Variants in SLC28A1 observed in about 807,000 individuals in gnomAD.
SLC28A1 encodes sodium/nucleoside cotransporter 1.
Under a neutral mutation model 74.8 loss-of-function variants are expected in SLC28A1, and 64 were observed. The observed-to-expected ratio is 0.86, with a 90% confidence interval of 0.70 to 1.05. The LOEUF is 1.05. Among genes scored for constraint, SLC28A1 ranks in the 50% least tolerant of loss-of-function variants. The pLI is 0.00. For synonymous variants in SLC28A1, 359 were observed against 335.0 expected (o/e 1.07, Z -0.78); for missense variants, 828 against 822.8 (o/e 1.01, Z -0.08).
the SLC28A1 span, among the ~76,000 whole-genome samples, chr15:84,960,316 C>T: frequency 7.2e-6 from 1 of 138,094 alleles, no homozygotes; most frequent in African/African-American, 2.9e-5. Flanking sequence ...AGTACAGTGG[C>T]GCAATCTCAG....
Position 84,898,451 on chromosome 15 carries a change from C to T in SLC28A1, c.461+3328C>T, listed in dbSNP as rs1036133613. On this transcript the variant is annotated intron_variant, in intron 6 of 18. Transcript: ENST00000394573. ...AAAATTAGCCAGGCGTGGTGGCGGGCGCCTGTAGTCCCAGCTACTCAGGAA... is the reference window on the plus strand; with the variant it reads ...AAAATTAGCCAGGCGTGGTGGCGGGTGCCTGTAGTCCCAGCTACTCAGGAA... 3.0e-4 allele frequency among the ~76,000 whole-genome samples: 46 copies of T among 151,980 alleles called. 1 individual carries two copies. Among genetic ancestry groups the T allele is most frequent in the Admixed American group, 7.2e-4 (11 of 15,258 alleles).
chr15:84,968,299 GC>G, the SLC28A1 span, among the ~76,000 whole-genome samples: 1 of 152,186 alleles, frequency 6.6e-6, no homozygotes, highest in Non-Finnish European at 1.5e-5. Context: ...TCAGTCTGAT[GC>G]CTGGTTTGGT....
intron 9 of SLC28A1, among the ~76,000 whole-genome samples, chr15:84,914,932 T>C (rs570700381): frequency 7.9e-5 from 12 of 152,320 alleles, no homozygotes; most frequent in African/African-American, 1.4e-4. Context: ...CCATTCTCCG[T>C]CTCACAGATA....
chr15:84,953,466 C>T, the SLC28A1 span, among the ~76,000 whole-genome samples: 3 of 152,184 alleles, frequency 2.0e-5, no homozygotes, highest in Admixed American at 6.5e-5. Flanking sequence ...AGGTGGCTCA[C>T]ACCTGTAATC....
At chr15:84,950,323 A>C (rs1186621019), downstream of SLC28A1, among the ~76,000 whole-genome samples, 4 of 150,834 alleles carry the variant, frequency 2.7e-5, no homozygotes, top group African/African-American at 9.7e-5. Flanking sequence ...TGACCCGTGT[A>C]GAAAGACAGC....
chr15:84,884,979 G>C (rs1964410646), intron 1 of SLC28A1, among the ~76,000 whole-genome samples: 1 of 152,116 alleles, frequency 6.6e-6, no homozygotes, highest in South Asian at 2.1e-4. Context: ...CTGTTTTTGA[G>C]GTAGAGTCTC....
chr15:84,914,602 C>T (rs1229788118), intron 9 of SLC28A1, among the ~76,000 whole-genome samples: 1 of 152,176 alleles, frequency 6.6e-6, no homozygotes, highest in African/African-American at 2.4e-5. Flanking sequence ...ACATCCACCA[C>T]AGATGCTATG....
intron 4 of SLC28A1, among the ~76,000 whole-genome samples, chr15:84,889,648 CCT>C (rs1567113419): frequency 2.9e-4 from 44 of 151,274 alleles, no homozygotes; most frequent in African/African-American, 8.0e-4. Context: ...CTTTTCTTTT[CCT>C]TTTTCTTTTC....
intron 9 of SLC28A1, among the ~76,000 whole-genome samples, chr15:84,915,620 C>T (rs1371142104): frequency 6.6e-6 from 1 of 152,186 alleles, no homozygotes; most frequent in Non-Finnish European, 1.5e-5. Context: ...CTGCTCTCAC[C>T]TAGATCATGG....
chr15:84,909,109 G>T (rs1217424406), intron 9 of SLC28A1, among the ~76,000 whole-genome samples: 1 of 152,158 alleles, frequency 6.6e-6, no homozygotes, highest in Admixed American at 6.5e-5. Flanking sequence ...GGGGGTAGGG[G>T]TCATGGGGAC....
intron 5 of SLC28A1, among the ~76,000 whole-genome samples, chr15:84,894,510 A>G (rs975872415): frequency 6.6e-6 from 1 of 152,192 alleles, no homozygotes; most frequent in Admixed American, 6.5e-5. Flanking sequence ...AAGCATGCTC[A>G]TTGATGAACA....
At chr15:84,897,605 A>G (rs966524668) in intron 6 of SLC28A1, among the ~76,000 whole-genome samples, 33 of 145,840 alleles carry the variant, frequency 2.3e-4, no homozygotes, top group Middle Eastern at 6.9e-3. Context: ...TGGGATATCC[A>G]TCAACTTAAA....
intron 6 of SLC28A1, chr15:84,895,885 G>GT: frequency 9.7e-7 from 1 of 1,026,442 alleles, no homozygotes; most frequent in South Asian, 3.8e-5. Context: ...GGATGCAGGG[G>GT]TACAGGGGTG....
intron 6 of SLC28A1, 74 bp downstream of exon 6, chr15:84,895,197 C>A: frequency 2.5e-6 from 4 of 1,590,018 alleles, no homozygotes; most frequent in Non-Finnish European, 3.4e-6. Flanking sequence ...AGGGTTATGG[C>A]CAGGGCTGGA....
chr15:84,933,326 G>A (rs1263362605), intron 13 of SLC28A1, 51 bp downstream of exon 13: 1 of 1,595,550 alleles, frequency 6.3e-7, no homozygotes, highest in African/African-American at 1.3e-5. Flanking sequence ...AAGGTGGGGG[G>A]AGCAAAGCAG....
the SLC28A1 span, among the ~76,000 whole-genome samples, chr15:84,957,332 T>A: frequency 8.9e-4 from 135 of 152,300 alleles, no homozygotes; most frequent in African/African-American, 3.1e-3. Flanking sequence ...AGTGGCGCAG[T>A]CTCCACTCAC....
chr15:84,927,812 A>G (rs971980529), intron 12 of SLC28A1, among the ~76,000 whole-genome samples: 4 of 152,106 alleles, frequency 2.6e-5, no homozygotes, highest in Non-Finnish European at 5.9e-5. Context: ...CCTTTATTCT[A>G]GGTTTTGTTT....
chr15:84,894,884 G>A, intron 5 of SLC28A1, 56 bp from the exon 6 acceptor site: 1 of 1,564,492 alleles, frequency 6.4e-7, no homozygotes. Flanking sequence ...CGGGGCTGCA[G>A]GGTTCTGAAG....
chr15:84,905,142 T>C (rs1006438000), intron 7 of SLC28A1, among the ~76,000 whole-genome samples: 3 of 151,956 alleles, frequency 2.0e-5, no homozygotes, highest in South Asian at 4.2e-4. Context: ...GGAGGAGAGA[T>C]TGGAGACGGT....
Sources: allele counts gnomAD v4.1 joint callset (sites outside exome capture counted in the v4.1 genomes callset), GRCh38; gene constraint gnomAD v4.1.1; transcripts MANE v1.5; gene names NCBI Gene and HGNC (gene_info 2026-07-23, HGNC 2026-07-21).